The following MITF variants were observed in gnomAD, a reference collection of about 807,000 sequenced individuals.
MITF encodes the protein melanocyte inducing transcription factor.
In MITF, 17 loss-of-function variants were observed where a neutral mutation model predicts 60.5. The ratio of observed to expected loss-of-function variants is 0.28; its 90% CI spans 0.19 to 0.42. The LOEUF is 0.42. Ranked by LOEUF, MITF falls within the 10% of genes least tolerant of loss-of-function variation. MITF has a pLI of 1.00. For synonymous variants in MITF, 260 were observed against 248.5 expected, an observed-to-expected ratio of 1.05 and a Z score of -0.43; for missense variants, 622 against 683.5, an observed-to-expected ratio of 0.91 and a Z score of 1.00.
intron 2 of MITF, among the ~76,000 whole-genome samples, chr3:69,931,695 G>T (rs1430099411): frequency 6.6e-6 from 1 of 152,144 alleles, no homozygotes; most frequent in Non-Finnish European, 1.5e-5. Context: ...CCATAAATAT[G>T]TGATATAAAT....
At chr3:69,843,555 G>T (rs2107148435) in intron 1 of MITF, among the ~76,000 whole-genome samples, 1 of 152,150 alleles carries the variant, frequency 6.6e-6, no homozygotes, top group African/African-American at 2.4e-5. Context: ...CTGTCTTGTG[G>T]GTGTTACAAT....
At chr3:69,942,828 C>A (rs1026836118) in intron 5 of MITF, among the ~76,000 whole-genome samples, 7 of 151,998 alleles carry the variant, frequency 4.6e-5, no homozygotes, top group African/African-American at 1.7e-4. Flanking sequence ...TATAAATATA[C>A]CCAAAGACAT....
At chr3:69,930,995 A>G (rs1559727888) in intron 2 of MITF, among the ~76,000 whole-genome samples, 1 of 152,270 alleles carries the variant, frequency 6.6e-6, no homozygotes, top group Non-Finnish European at 1.5e-5. Context: ...AAGCTATGAT[A>G]CAGTTTAAAA....
At chr3:69,863,264 C>T (rs901537169) in intron 1 of MITF, among the ~76,000 whole-genome samples, 4 of 152,138 alleles carry the variant, frequency 2.6e-5, no homozygotes, top group East Asian at 1.9e-4. Context: ...GGGAAATGCA[C>T]GTAACATCTC....
chr3:69,753,200 A>T (rs764250305), intron 1 of MITF, among the ~76,000 whole-genome samples: 1 of 152,132 alleles, frequency 6.6e-6, no homozygotes, highest in Non-Finnish European at 1.5e-5. Flanking sequence ...CCCAGGTTAC[A>T]CTCAGGCCAC....
At chr3:69,769,074 T>C (rs975895251) in intron 1 of MITF, among the ~76,000 whole-genome samples, 1 of 152,180 alleles carries the variant, frequency 6.6e-6, no homozygotes, top group Non-Finnish European at 1.5e-5. Context: ...TCTTCACCTG[T>C]AAAATGAAGT....
chr3:69,823,889 T>C (rs2063315352), intron 1 of MITF, among the ~76,000 whole-genome samples: 1 of 152,226 alleles, frequency 6.6e-6, no homozygotes, highest in Admixed American at 6.5e-5. Context: ...CCCTGTAGCC[T>C]GTGTTTTGGT....
intron 1 of MITF, among the ~76,000 whole-genome samples, chr3:69,751,017 G>A (rs1181552700): frequency 6.6e-6 from 1 of 152,062 alleles, no homozygotes; most frequent in African/African-American, 2.4e-5. Context: ...GAGTGACTTA[G>A]AGTTAACCTA....
intron 6 of MITF, among the ~76,000 whole-genome samples, chr3:69,949,791 G>T (rs1037280568): frequency 6.6e-6 from 1 of 152,040 alleles, no homozygotes; most frequent in African/African-American, 2.4e-5. Context: ...GCATTTATTT[G>T]GTCATTAAAA....
At chr3:69,928,444 A>G (rs1283638240) in intron 2 of MITF, among the ~76,000 whole-genome samples, 1 of 152,212 alleles carries the variant, frequency 6.6e-6, no homozygotes, top group Non-Finnish European at 1.5e-5. Flanking sequence ...TAGGATTTGC[A>G]GATTTAAAAG....
chr3:69,745,469 G>T (rs141545974), intron 1 of MITF, among the ~76,000 whole-genome samples: 1 of 152,298 alleles, frequency 6.6e-6, no homozygotes, highest in African/African-American at 2.4e-5. Flanking sequence ...GGGGAACTGG[G>T]GAGGCAGTTT....
intron 2 of MITF, among the ~76,000 whole-genome samples, chr3:69,895,575 C>G (rs1354892722): frequency 6.6e-6 from 1 of 151,842 alleles, no homozygotes; most frequent in Non-Finnish European, 1.5e-5. Context: ...TAAAATTTAT[C>G]TCTGACACAA....
chr3:69,857,525 T>G (rs983803208), intron 1 of MITF, among the ~76,000 whole-genome samples: 3 of 146,098 alleles, frequency 2.1e-5, no homozygotes, highest in South Asian at 2.2e-4. Flanking sequence ...GATCTCATGG[T>G]TTTTTTTTTT....
intron 1 of MITF, among the ~76,000 whole-genome samples, chr3:69,875,982 A>G (rs2064345029): frequency 1.3e-5 from 2 of 152,178 alleles, no homozygotes; most frequent in Admixed American, 1.3e-4. Flanking sequence ...GAGCTGTGCT[A>G]TATTTATATA....
intron 2 of MITF, 78 bp from the exon 3 acceptor site, chr3:69,937,744 G>A (rs2065875403): frequency 2.5e-6 from 3 of 1,221,320 alleles, no homozygotes; most frequent in South Asian, 1.3e-5. Context: ...TCAGTTTCAT[G>A]TTTGTGCCTG....
At chr3:69,837,489 C>G (rs1264483965) in intron 1 of MITF, among the ~76,000 whole-genome samples, 2 of 152,094 alleles carry the variant, frequency 1.3e-5, no homozygotes, top group Non-Finnish European at 2.9e-5. Context: ...AATTATCTGT[C>G]TAGTGGGATT....
At chr3:69,843,910 T>G (rs1367867767) in intron 1 of MITF, among the ~76,000 whole-genome samples, 6 of 152,104 alleles carry the variant, frequency 3.9e-5, no homozygotes, top group African/African-American at 1.4e-4. Flanking sequence ...CGCCCCACGA[T>G]AGACCCCGGT....
intron 1 of MITF, among the ~76,000 whole-genome samples, chr3:69,750,174 T>C (rs1005258252): frequency 7.2e-5 from 11 of 152,122 alleles, no homozygotes; most frequent in African/African-American, 2.4e-4. Context: ...ACTTTTGGGT[T>C]CATATACCTG....
chr3:69,775,898 A>T (rs1295699593), intron 1 of MITF, among the ~76,000 whole-genome samples: 1 of 152,324 alleles, frequency 6.6e-6, no homozygotes, highest in South Asian at 2.1e-4. Flanking sequence ...ATATCAAAAG[A>T]TGGGCTTTTC....
Sources: gnomAD v4.1 joint callset for allele counts (sites outside exome capture counted in the v4.1 genomes callset) on GRCh38, gnomAD v4.1.1 for gene constraint, MANE v1.5 for transcripts, NCBI Gene and HGNC (gene_info 2026-07-23, HGNC 2026-07-21) for gene names.